ADGRF5: variants seen among roughly 807,000 people sequenced by gnomAD.
ADGRF5 encodes adhesion G protein-coupled receptor F5.
ADGRF5 carries 75 observed loss-of-function variants against 132.3 expected under a neutral mutation model. The observed-to-expected ratio is 0.57, with a 90% CI of 0.47 to 0.69. The LOEUF (loss-of-function observed/expected upper bound fraction) is 0.69, where lower values mean the gene tolerates loss of function less well. ADGRF5 is among the 30% of genes least tolerant of loss of function. The pLI is 0.00. For synonymous variants in ADGRF5, 629 were observed against 597.6 expected (o/e 1.05, Z -0.77); for missense variants, 1,516 against 1,630.6 (o/e 0.93, Z 1.21).
intron 9 of ADGRF5, 93 bp from the exon 10 acceptor site, chr6:46,878,498 C>T (rs1772072883): frequency 1.3e-6 from 1 of 744,868 alleles, no homozygotes; most frequent in Non-Finnish European, 2.2e-6. Context: ...GACAGTACTT[C>T]ATGAAGTATC....
At chr6:46,953,677 A>ATC (rs1778608425) in intron 1 of ADGRF5, among the ~76,000 whole-genome samples, 5 of 136,438 alleles carry the variant, frequency 3.7e-5, no homozygotes, top group African/African-American at 1.4e-4. Flanking sequence ...ATATATATAT[A>ATC]TATATATATA....
intron 6 of ADGRF5, 114 bp downstream of exon 6, chr6:46,883,445 T>C (rs1353915567): frequency 1.5e-6 from 1 of 648,526 alleles, no homozygotes; most frequent in Admixed American, 3.2e-5. Context: ...AAAAGAATAA[T>C]AAATCCACAT....
intron 15 of ADGRF5, among the ~76,000 whole-genome samples, chr6:46,862,521 T>C (rs1769880814): frequency 6.6e-6 from 1 of 152,164 alleles, no homozygotes; most frequent in South Asian, 2.1e-4. Context: ...TGCTCCTTTT[T>C]CTGAAAGGAT....
intron 1 of ADGRF5, among the ~76,000 whole-genome samples, chr6:46,910,734 T>C (rs1478981384): frequency 2.6e-5 from 4 of 151,832 alleles, no homozygotes; most frequent in Non-Finnish European, 5.9e-5. Context: ...AACAAACAAA[T>C]TATAAGTTAT....
chr6:46,894,936 T>C (rs1227353846), intron 3 of ADGRF5, among the ~76,000 whole-genome samples: 1 of 152,182 alleles, frequency 6.6e-6, no homozygotes. Flanking sequence ...ACCAGCACTT[T>C]AGGAAGCCAA....
At chr6:46,882,534 G>A (rs1375928713) in intron 6 of ADGRF5, among the ~76,000 whole-genome samples, 1 of 152,190 alleles carries the variant, frequency 6.6e-6, no homozygotes, top group South Asian at 2.1e-4. Context: ...AGGGAGCAGC[G>A]GTGATGGTCG....
At chr6:46,888,545 G>A (rs1773294594) in intron 3 of ADGRF5, 40 bp from the exon 4 acceptor site, 1 of 1,375,730 alleles carries the variant, frequency 7.3e-7, no homozygotes. Flanking sequence ...AACTTACCAT[G>A]GGAGATGGAG....
chr6:46,858,690 G>A lies in ADGRF5; in HGVS notation c.3213C>T (p.Val1071=), dbSNP rs368394786. The A allele has an allele frequency of 9.0e-5, 145 of 1,614,094 alleles. 1 individual carries two copies. In the African/African-American group the frequency reaches 1.6e-3, roughly 18 times the overall value. ...LLVANTWFIV[V]AAIQDNRYIL... ...TGTAGCGATTGTCCTGGATGGCAGC[G>A]ACCACAATGAACCAGGTGTTGGCGA... is the stretch of plus-strand genomic sequence containing the variant. The change falls in exon 17 of 21, where the codon GTC becomes GTT. Residue 1071 remains valine (V), a synonymous_variant. Coordinates refer to ENST00000283296, the MANE Select transcript of ADGRF5 (RefSeq NM_001098518.2).
chr6:46,946,560 G>T (rs1186975787), intron 1 of ADGRF5, among the ~76,000 whole-genome samples: 2 of 152,110 alleles, frequency 1.3e-5, no homozygotes, highest in East Asian at 1.9e-4. Flanking sequence ...AGATGAGAAG[G>T]ATCTAAGCAT....
At chr6:46,931,736 G>T (rs1222690995) in intron 1 of ADGRF5, among the ~76,000 whole-genome samples, 1 of 152,012 alleles carries the variant, frequency 6.6e-6, no homozygotes, top group Non-Finnish European at 1.5e-5. Flanking sequence ...AATATTTTTG[G>T]GCATATGAAG....
intron 3 of ADGRF5, among the ~76,000 whole-genome samples, chr6:46,889,739 T>C (rs1773451204): frequency 6.9e-6 from 1 of 144,830 alleles, no homozygotes; most frequent in Non-Finnish European, 1.5e-5. Context: ...AAACGTTATA[T>C]ATTATATATA....
upstream of ADGRF5, among the ~76,000 whole-genome samples, chr6:46,922,363 C>G (rs562415873): frequency 2.6e-5 from 4 of 152,172 alleles, no homozygotes; most frequent in South Asian, 8.3e-4. Context: ...AGTCCTCCCC[C>G]GCGGGAGGGC....
chr6:46,880,145 C>T, intron 8 of ADGRF5, 106 bp from the exon 9 acceptor site: 1 of 759,932 alleles, frequency 1.3e-6, no homozygotes, highest in East Asian at 2.6e-5. Flanking sequence ...TTGACAGCAT[C>T]TGTGGTGCTG....
chr6:46,891,476 T>G (rs1260478955), intron 3 of ADGRF5, among the ~76,000 whole-genome samples: 3 of 152,206 alleles, frequency 2.0e-5, no homozygotes, highest in Non-Finnish European at 4.4e-5. Flanking sequence ...CAGGATCCTC[T>G]TTGCCATGCC....
chr6:46,898,859 C>A (rs1308514990), intron 3 of ADGRF5, among the ~76,000 whole-genome samples: 4 of 152,184 alleles, frequency 2.6e-5, no homozygotes, highest in African/African-American at 7.2e-5. Flanking sequence ...TTGGTACAGA[C>A]ACTCAGCCAG....
At chr6:46,889,949 A>C (rs1773483258) in intron 3 of ADGRF5, among the ~76,000 whole-genome samples, 1 of 152,004 alleles carries the variant, frequency 6.6e-6, no homozygotes, top group East Asian at 1.9e-4. Context: ...ATGACGAATC[A>C]ATTCTTGTTA....
chr6:46,911,798 G>A (rs1775975422), intron 1 of ADGRF5, among the ~76,000 whole-genome samples: 1 of 152,140 alleles, frequency 6.6e-6, no homozygotes, highest in African/African-American at 2.4e-5. Flanking sequence ...TCTACTGAGT[G>A]AAGGGGAAGT....
chr6:46,891,678 A>ATTGTT (rs1773655778), intron 3 of ADGRF5, among the ~76,000 whole-genome samples: 1 of 152,220 alleles, frequency 6.6e-6, no homozygotes, highest in Non-Finnish European at 1.5e-5. Flanking sequence ...TTCAGTCACA[A>ATTGTT]CTGAAGAACA....
chr6:46,858,751 T>C lies in ADGRF5; in HGVS notation c.3152A>G (p.His1051Arg). ...VTKNRTSYMR[H>R]TCIVNIAASL... ...GGCAGCGATATTCACTATGCAGGTG[T>C]GGCGCATATAAGAAGTCCGGTTCTT... The change falls in exon 17 of 21, where the codon CAC becomes CGC. Residue 1051 changes from histidine to arginine, a missense_variant. Physicochemically the swap from His to Arg is conservative, Grantham distance 29 (BLOSUM62 0). Around this residue, in one of 2 missense-constraint regions of ADGRF5, gnomAD observed 571 missense variants for 701.2 expected, o/e 0.81. Coordinates refer to ENST00000283296, the MANE Select transcript of ADGRF5 (RefSeq NM_001098518.2). 1.2e-6 allele frequency: 2 copies of C among 1,614,118 alleles called. No individual in the cohort carries two copies. The highest frequency in any genetic ancestry group is 2.2e-5 in the East Asian group (1 of 44,860).
Sources: gnomAD v4.1 joint callset for allele counts (sites outside exome capture counted in the v4.1 genomes callset) on GRCh38, gnomAD v4.1.1 for gene constraint, gnomAD v4.1.1 regional missense constraint, MANE v1.5 for transcripts, NCBI Gene and HGNC (gene_info 2026-07-23, HGNC 2026-07-21) for gene names.